SEMA5A: variants seen among roughly 807,000 people sequenced by gnomAD.
The protein encoded by SEMA5A is semaphorin 5A, also known as semaphorin-5A.
SEMA5A carries 55 observed loss-of-function variants against 135.5 expected under a neutral mutation model. The observed-to-expected ratio is 0.41, with a 90% CI of 0.33 to 0.51. The LOEUF (loss-of-function observed/expected upper bound fraction) is 0.51. Ranked by LOEUF, SEMA5A falls within the 20% of genes least tolerant of loss-of-function variation. SEMA5A has a pLI of 0.37. For missense variants in SEMA5A, 1,290 were observed against 1,419.9 expected (o/e 0.91, Z 1.47); for synonymous variants, 580 against 546.5 (o/e 1.06, Z -0.85).
chr5:9,141,690 TC>T (rs1454526193), intron 12 of SEMA5A, among the ~76,000 whole-genome samples: 16 of 152,194 alleles, frequency 1.1e-4, no homozygotes, highest in Non-Finnish European at 7.3e-5. Flanking sequence ...TCAACATATA[TC>T]TAAAGTATTT....
intron 14 of SEMA5A, among the ~76,000 whole-genome samples, chr5:9,121,996 A>T (rs1384461490): frequency 6.6e-6 from 1 of 152,230 alleles, no homozygotes; most frequent in Non-Finnish European, 1.5e-5. Flanking sequence ...TTAATGAACA[A>T]GTGACAAAGA....
chr5:9,325,451 T>G (rs1228578187), intron 4 of SEMA5A, among the ~76,000 whole-genome samples: 1 of 152,316 alleles, frequency 6.6e-6, no homozygotes, highest in South Asian at 2.1e-4. Flanking sequence ...CCTGAGTGCG[T>G]TTTCTACGTC....
intron 3 of SEMA5A, among the ~76,000 whole-genome samples, chr5:9,353,810 A>G (rs1183976889): frequency 2.6e-5 from 4 of 152,174 alleles, no homozygotes; most frequent in Admixed American, 6.5e-5. Context: ...GGGAAAAAAT[A>G]AAATAAAAAG....
intron 1 of SEMA5A, among the ~76,000 whole-genome samples, chr5:9,485,925 GA>G (rs1734693537): frequency 6.6e-6 from 1 of 152,024 alleles, no homozygotes; most frequent in Admixed American, 6.6e-5. Context: ...TAATATAAAT[GA>G]AAAAGAACAG....
At chr5:9,088,132 C>T (rs1050242203) in intron 16 of SEMA5A, among the ~76,000 whole-genome samples, 2 of 151,884 alleles carry the variant, frequency 1.3e-5, no homozygotes, top group African/African-American at 2.4e-5. Flanking sequence ...CATGGTGAAA[C>T]CCCGTCTGCA....
chr5:9,492,967 T>G (rs1226890543), intron 1 of SEMA5A, among the ~76,000 whole-genome samples: 3 of 152,140 alleles, frequency 2.0e-5, no homozygotes, highest in African/African-American at 7.2e-5. Context: ...TGTCCAAATC[T>G]GTAGAATATA....
intron 13 of SEMA5A, among the ~76,000 whole-genome samples, chr5:9,131,477 G>A (rs1201428695): frequency 1.3e-5 from 2 of 151,602 alleles, no homozygotes; most frequent in Non-Finnish European, 2.9e-5. Context: ...GTGTGGTGGT[G>A]GGCACCTGTA....
chr5:9,074,042 A>C (rs527248059), intron 16 of SEMA5A, among the ~76,000 whole-genome samples: 2 of 152,260 alleles, frequency 1.3e-5, no homozygotes, highest in African/African-American at 2.4e-5. Context: ...AATAGTCAAA[A>C]TATTTTGGCA....
chr5:9,277,217 C>A (rs1450565848), intron 5 of SEMA5A, among the ~76,000 whole-genome samples: 2 of 152,178 alleles, frequency 1.3e-5, no homozygotes. Context: ...GAAAAAAATG[C>A]TCATCATCAC....
chr5:9,402,530 T>C (rs1019672425), intron 2 of SEMA5A, among the ~76,000 whole-genome samples: 4 of 152,176 alleles, frequency 2.6e-5, no homozygotes, highest in African/African-American at 7.2e-5. Context: ...TTTTGAGTGT[T>C]AGTGAGGTGA....
intron 13 of SEMA5A, among the ~76,000 whole-genome samples, chr5:9,128,604 T>A (rs1741240735): frequency 6.6e-6 from 1 of 152,148 alleles, no homozygotes. Context: ...ATGAAAATAG[T>A]CCTTAATTAG....
At chr5:9,189,603 G>T (rs1744990832) in intron 11 of SEMA5A, among the ~76,000 whole-genome samples, 1 of 152,176 alleles carries the variant, frequency 6.6e-6, no homozygotes, top group Non-Finnish European at 1.5e-5. Context: ...GAATCTGAAG[G>T]CAGGAAAGAG....
At chr5:9,206,595 C>A (rs1441859570) in intron 8 of SEMA5A, among the ~76,000 whole-genome samples, 1 of 152,038 alleles carries the variant, frequency 6.6e-6, no homozygotes, top group Non-Finnish European at 1.5e-5. Flanking sequence ...ATTCAAATGG[C>A]TCGATCTGAT....
rs116438645 is a variant in SEMA5A, at chr5:9,328,500, C to T, written c.224+9213G>A. 3.5e-3 allele frequency among the ~76,000 whole-genome samples: 535 copies of T among 152,206 alleles called. 11 individuals carry two copies. Among genetic ancestry groups the T allele is most frequent in the East Asian group, 1.7e-3 (9 of 5,176 alleles). On this transcript the variant is annotated intron_variant, in intron 4 of 22. Transcript: ENST00000382496. ...GCTTGATTAAATCAAAGATTCTGGCCGGGCACAGTGGCTCATGCCTGTAAT... is the reference window on the plus strand; with the variant it reads ...GCTTGATTAAATCAAAGATTCTGGCTGGGCACAGTGGCTCATGCCTGTAAT...
intron 3 of SEMA5A, among the ~76,000 whole-genome samples, chr5:9,373,018 C>T (rs987018155): frequency 6.6e-6 from 1 of 152,022 alleles, no homozygotes; most frequent in South Asian, 2.1e-4. Context: ...GCAAGAAGGG[C>T]AGTTATGATG....
rs148234897 is a variant in SEMA5A, at chr5:9,153,382, C to G, written c.1481+1106G>C. ...GGTCAGGTGTGTGATGTATACAGTA[C>G]TTTTTCATTTCCTAAGTACCTGGGC... On this transcript the variant is annotated intron_variant, in intron 12 of 22. Transcript: ENST00000382496. Among the ~76,000 whole-genome samples, 117 of 152,268 alleles carry G rather than the reference C, an allele frequency of 7.7e-4. 1 individual carries two copies. The highest frequency in any genetic ancestry group is 2.6e-3 in the African/African-American group (106 of 41,556).
At chr5:9,486,625 C>T (rs760359564) in intron 1 of SEMA5A, among the ~76,000 whole-genome samples, 9 of 151,382 alleles carry the variant, frequency 5.9e-5, no homozygotes, top group South Asian at 2.1e-4. Flanking sequence ...CAAAGATCAT[C>T]GATGGGAGGA....
At chr5:9,462,827 G>A (rs1182101838) in intron 1 of SEMA5A, among the ~76,000 whole-genome samples, 1 of 152,010 alleles carries the variant, frequency 6.6e-6, no homozygotes, top group Non-Finnish European at 1.5e-5. Context: ...GCCTATCAGA[G>A]GGTGCAGAGG....
intron 2 of SEMA5A, among the ~76,000 whole-genome samples, chr5:9,436,056 A>G (rs936579483): frequency 4.6e-5 from 7 of 152,110 alleles, no homozygotes; most frequent in Non-Finnish European, 1.0e-4. Flanking sequence ...TCTGCCTCTG[A>G]CTCACTGCAA....
Sources: allele counts gnomAD v4.1 joint callset (sites outside exome capture counted in the v4.1 genomes callset), GRCh38; gene constraint gnomAD v4.1.1; transcripts MANE v1.5; gene names NCBI Gene and HGNC (gene_info 2026-07-23, HGNC 2026-07-21).